The following ZSWIM6 variants were observed in gnomAD, a reference collection of about 807,000 sequenced individuals.
ZSWIM6 encodes the protein zinc finger SWIM domain-containing protein 6.
In ZSWIM6, 9 loss-of-function variants were observed where a neutral mutation model predicts 113.2. That is an observed-to-expected ratio of 0.08 (90% CI 0.05 to 0.14). ZSWIM6 has a LOEUF of 0.14. Among genes scored for constraint, ZSWIM6 ranks in the 10% least tolerant of loss-of-function variants. The probability of loss-of-function intolerance (pLI) is 1.00; values close to 1 mark genes in which losing one functional copy is unlikely to be tolerated. For synonymous variants in ZSWIM6, 611 were observed against 606.5 expected (o/e 1.01, Z -0.11); for missense variants, 1,162 against 1,552.2 (o/e 0.75, Z 4.22).
At chr5:61,462,069 G>C (rs1303462282) in intron 1 of ZSWIM6, among the ~76,000 whole-genome samples, 1 of 152,204 alleles carries the variant, frequency 6.6e-6, no homozygotes, top group Admixed American at 6.5e-5. Context: ...TACAGTCCTT[G>C]CAGGAGCTAG....
At chr5:61,385,515 T>C (rs556739560) in intron 1 of ZSWIM6, among the ~76,000 whole-genome samples, 1 of 152,346 alleles carries the variant, frequency 6.6e-6, no homozygotes, top group African/African-American at 2.4e-5. Context: ...ATTACTACCA[T>C]TGTGACCTGG....
At chr5:61,351,556 A>G (rs1010159912) in intron 1 of ZSWIM6, among the ~76,000 whole-genome samples, 6 of 152,236 alleles carry the variant, frequency 3.9e-5, no homozygotes, top group Non-Finnish European at 7.3e-5. Context: ...ATTCAGAAAA[A>G]TAATTTCAAA....
chr5:61,376,784 A>AT (rs1410948399), intron 1 of ZSWIM6, among the ~76,000 whole-genome samples: 21 of 143,996 alleles, frequency 1.5e-4, no homozygotes, highest in Non-Finnish European at 2.4e-4. Flanking sequence ...GTGATAGTTT[A>AT]TTTTTTTGTA....
At chr5:61,508,391 A>C (rs774086504) in intron 4 of ZSWIM6, among the ~76,000 whole-genome samples, 1 of 152,204 alleles carries the variant, frequency 6.6e-6, no homozygotes, top group Non-Finnish European at 1.5e-5. Context: ...ATTGCAAGGT[A>C]TATTGAGATA....
intron 1 of ZSWIM6, among the ~76,000 whole-genome samples, chr5:61,447,250 T>TA (rs1025836457): frequency 3.3e-5 from 5 of 151,920 alleles, no homozygotes; most frequent in East Asian, 3.9e-4. Flanking sequence ...CAAACAGTAT[T>TA]AAAAAAAAGT....
At chr5:61,470,359 A>T (rs957212716) in intron 1 of ZSWIM6, among the ~76,000 whole-genome samples, 2 of 152,226 alleles carry the variant, frequency 1.3e-5, no homozygotes, top group African/African-American at 4.8e-5. Context: ...CTAAATGTAC[A>T]GAATGTGCTT....
chr5:61,368,541 C>G (rs1223957349), intron 1 of ZSWIM6, among the ~76,000 whole-genome samples: 1 of 152,130 alleles, frequency 6.6e-6, no homozygotes, highest in East Asian at 1.9e-4. Flanking sequence ...TATGTTAGCC[C>G]TTGAATTTTT....
rs374156984 is a variant in ZSWIM6, at chr5:61,499,956, A to T, written c.1333+5546A>T. ...ACAATCCTGTGAAATAGGTCCAATTATTTGCCCTCATTTTACAGCCAATAA... is the reference window on the plus strand; with the variant it reads ...ACAATCCTGTGAAATAGGTCCAATTTTTTGCCCTCATTTTACAGCCAATAA... On this transcript the variant is annotated intron_variant, in intron 4 of 13. Coordinates refer to ENST00000252744, the MANE Select transcript of ZSWIM6 (RefSeq NM_020928.2). Among the ~76,000 whole-genome samples, 25 of 152,108 alleles carry T rather than the reference A, an allele frequency of 1.6e-4. No individual in the cohort carries two copies. The East Asian group carries it at 4.1e-3, about 25-fold the overall frequency.
intron 8 of ZSWIM6, 45 bp downstream of exon 8, chr5:61,530,243 C>A: frequency 2.0e-6 from 3 of 1,508,746 alleles, no homozygotes; most frequent in Admixed American, 2.1e-5. Flanking sequence ...TTTTTCTAAA[C>A]CCTGAATGGC....
At chr5:61,465,112 G>A (rs1251620056) in intron 1 of ZSWIM6, among the ~76,000 whole-genome samples, 1 of 152,146 alleles carries the variant, frequency 6.6e-6, no homozygotes, top group African/African-American at 2.4e-5. Flanking sequence ...TGCTTTCTTT[G>A]TATTAGAAAA....
At chr5:61,482,992 T>A (rs1747918728) in intron 2 of ZSWIM6, among the ~76,000 whole-genome samples, 1 of 151,798 alleles carries the variant, frequency 6.6e-6, no homozygotes, top group Non-Finnish European at 1.5e-5. Flanking sequence ...CCCAAAAAAA[T>A]AAAAATAAAA....
chr5:61,502,098 C>T (rs904769812), intron 4 of ZSWIM6, among the ~76,000 whole-genome samples: 8 of 152,064 alleles, frequency 5.3e-5, no homozygotes, highest in African/African-American at 1.7e-4. Flanking sequence ...AATTTCCTTT[C>T]ACCATTTCTT....
At chr5:61,457,555 C>T (rs1156630356) in intron 1 of ZSWIM6, among the ~76,000 whole-genome samples, 4 of 152,030 alleles carry the variant, frequency 2.6e-5, no homozygotes, top group African/African-American at 9.6e-5. Flanking sequence ...GAGTTTCACT[C>T]TTGTTGCCCA....
intron 1 of ZSWIM6, among the ~76,000 whole-genome samples, chr5:61,454,319 A>G (rs1368260415): frequency 6.6e-6 from 1 of 150,882 alleles, no homozygotes; most frequent in African/African-American, 2.4e-5. Context: ...TCAGTGGCAC[A>G]ATTATGGTTT....
intron 1 of ZSWIM6, among the ~76,000 whole-genome samples, chr5:61,386,133 C>T (rs78355988): frequency 6.6e-6 from 1 of 152,244 alleles, no homozygotes; most frequent in Non-Finnish European, 1.5e-5. Flanking sequence ...AAAAAGCTCT[C>T]CTGCATACAT....
chr5:61,426,894 G>A (rs1224893259), intron 1 of ZSWIM6, among the ~76,000 whole-genome samples: 2 of 151,646 alleles, frequency 1.3e-5, no homozygotes, highest in Non-Finnish European at 2.9e-5. Flanking sequence ...CCTTCTCAGG[G>A]TATCACATCT....
Position 61,438,924 on chromosome 5 carries a change from A to G in ZSWIM6, c.677-33757A>G, listed in dbSNP as rs551883676. ...GGTAAATTTATAAAGACGGTTGTGC[A>G]TGTGTTTTTGTATTTAAATTAAGGA... On this transcript the variant is annotated intron_variant, in intron 1 of 13. Coordinates refer to ENST00000252744, the MANE Select transcript of ZSWIM6 (RefSeq NM_020928.2). 8.5e-5 allele frequency among the ~76,000 whole-genome samples: 13 copies of G among 152,330 alleles called. No individual in the cohort carries two copies. The South Asian group carries it at 2.5e-3, about 29-fold the overall frequency.
At chr5:61,364,599 G>A (rs1445037734) in intron 1 of ZSWIM6, among the ~76,000 whole-genome samples, 1 of 152,152 alleles carries the variant, frequency 6.6e-6, no homozygotes, top group Non-Finnish European at 1.5e-5. Context: ...AAACTGGATG[G>A]CTTATAAACA....
chr5:61,359,275 C>T (rs1744982817), intron 1 of ZSWIM6, among the ~76,000 whole-genome samples: 1 of 151,966 alleles, frequency 6.6e-6, no homozygotes, highest in Non-Finnish European at 1.5e-5. Flanking sequence ...AAATAGGAGA[C>T]AGGTATAGTG....
Sources: allele counts gnomAD v4.1 joint callset (sites outside exome capture counted in the v4.1 genomes callset), GRCh38; gene constraint gnomAD v4.1.1; transcripts MANE v1.5; gene names NCBI Gene and HGNC (gene_info 2026-07-23, HGNC 2026-07-21).